The following LRRK1 variants were observed in gnomAD, a reference collection of about 807,000 sequenced individuals.
LRRK1 encodes leucine-rich repeat serine/threonine-protein kinase 1.
LRRK1 carries 113 observed loss-of-function variants against 209.1 expected under a neutral mutation model. That is an observed-to-expected ratio of 0.54 (90% CI 0.46 to 0.63). LRRK1 has a LOEUF of 0.63. Among genes scored for constraint, LRRK1 ranks in the 30% least tolerant of loss-of-function variants. LRRK1 has a pLI of 0.00. For missense variants in LRRK1, 2,284 were observed against 2,632.2 expected (o/e 0.87, Z 2.89); for synonymous variants, 1,144 against 1,099.7 (o/e 1.04, Z -0.80).
intron 33 of LRRK1, among the ~76,000 whole-genome samples, chr15:101,068,397 T>C (rs187855399): frequency 5.6e-4 from 86 of 152,298 alleles, no homozygotes; most frequent in East Asian, 3.9e-4. Context: ...TGATTGCCTC[T>C]GTGGCCTTCC....
chr15:100,988,180 T>G (rs1192609612), intron 4 of LRRK1, among the ~76,000 whole-genome samples: 1 of 152,228 alleles, frequency 6.6e-6, no homozygotes, highest in Non-Finnish European at 1.5e-5. Context: ...GGGGTACATA[T>G]GCAGGTTTGT....
At chr15:100,974,487 T>A (rs535776984) in intron 3 of LRRK1, among the ~76,000 whole-genome samples, 67 of 152,340 alleles carry the variant, frequency 4.4e-4, no homozygotes, top group Middle Eastern at 3.4e-3. Context: ...TATATGGTGA[T>A]GCAGCTGCTG....
chr15:100,947,242 C>T (rs1237770700), intron 2 of LRRK1, among the ~76,000 whole-genome samples: 2 of 152,102 alleles, frequency 1.3e-5, no homozygotes, highest in Non-Finnish European at 2.9e-5. Flanking sequence ...CAGGTGTGAG[C>T]CACCATGCCC....
rs567667559 is a variant in LRRK1, at chr15:100,997,987, T to C, written c.762+8589T>C. On this transcript the variant is annotated intron_variant, in intron 6 of 33. Coordinates refer to ENST00000388948, the MANE Select transcript of LRRK1 (RefSeq NM_024652.6). ...TGAGGTTAGGAGTTCGAGACCAGCC[T>C]GGCCAACATGGTGAAACCCCCCCGT... is the stretch of plus-strand genomic sequence containing the variant. Among the ~76,000 whole-genome samples, 126 of 152,214 alleles carry C rather than the reference T, an allele frequency of 8.3e-4. 1 individual carries two copies. Among genetic ancestry groups the C allele is most frequent in the Non-Finnish European group, 1.7e-3 (114 of 68,004 alleles).
At position 101,065,442 on chromosome 15, in the gene LRRK1, C is replaced by G; in HGVS notation, c.5005C>G (p.Leu1669Val). 6.2e-7 allele frequency: 1 copy of G among 1,614,232 alleles called. No individual in the cohort carries two copies. The highest frequency in any genetic ancestry group is 1.1e-5 in the South Asian group (1 of 91,092). ...RGTPKDSCSY[L>V]CSHTANRSKF... is the part of the protein sequence containing the mutation. Reference sequence around the variant, plus strand: ...CACCCCAAAGGACAGCTGCTCCTACCTGTGCTCACACACAGCCAACAGGTC... The same window carrying G: ...CACCCCAAAGGACAGCTGCTCCTACGTGTGCTCACACACAGCCAACAGGTC... Residue 1669 changes from leucine to valine, a missense_variant, in exon 32 of 34, where the codon CTG becomes GTG. This residue lies in a region of LRRK1 where 643 missense variants were observed against 695.9 expected (regional missense o/e 0.92). Transcript: ENST00000388948.
Position 101,008,216 on chromosome 15 carries a change from T to C in LRRK1, c.763-621T>C, listed in dbSNP as rs2033062221. ...GCAAGAGACTGGCTTCCCGGGCTGT[T>C]TGCTATAGATAAAGAGGTTGGTTTC... On this transcript the variant is annotated intron_variant, in intron 6 of 33. Transcript: ENST00000388948. 5.3e-5 allele frequency among the ~76,000 whole-genome samples: 8 copies of C among 150,872 alleles called. No individual in the cohort carries two copies. The South Asian group carries it at 1.7e-3, about 32-fold the overall frequency.
chr15:100,979,796 A>T (rs116052815), intron 3 of LRRK1, among the ~76,000 whole-genome samples: 1,614 of 152,362 alleles, frequency 0.011, 36 homozygotes, highest in African/African-American at 0.037. Context: ...ACTGAGGAAG[A>T]TACACAGATG....
chr15:101,045,696 T>C (rs1360626354), intron 20 of LRRK1, among the ~76,000 whole-genome samples: 2 of 152,216 alleles, frequency 1.3e-5, no homozygotes, highest in African/African-American at 4.8e-5. Context: ...TTTAGGACCA[T>C]GATGTTTTCA....
intron 20 of LRRK1, among the ~76,000 whole-genome samples, chr15:101,037,325 G>A (rs957167831): frequency 6.6e-6 from 1 of 152,184 alleles, no homozygotes; most frequent in Non-Finnish European, 1.5e-5. Context: ...CAGCAGAGTC[G>A]GTAGGCCCAA....
At position 101,070,933 on chromosome 15, in the gene LRRK1, C is replaced by A. The variant is rs1313575992; in HGVS notation, c.*2085C>A. The A allele has an allele frequency of 6.6e-6, 1 of 152,174 alleles. No homozygotes were observed. The allele number at this position is 152,174 out of a possible 1,614,324, so 9.4% of individuals were successfully genotyped here. A position where few individuals can be genotyped will look rare whatever the true frequency, so the allele number is the denominator to read the frequency against. On this transcript the variant is annotated 3_prime_UTR_variant, in exon 34 of 34. Transcript: ENST00000388948. ...CAACACAAATGAGAGACAAAGACCTCACTTATCTTCATTACAGAGAGTTCG... is the reference window on the plus strand; with the variant it reads ...CAACACAAATGAGAGACAAAGACCTAACTTATCTTCATTACAGAGAGTTCG...
chr15:101,033,108 A>T (rs565315161), intron 20 of LRRK1, among the ~76,000 whole-genome samples: 1 of 152,112 alleles, frequency 6.6e-6, no homozygotes, highest in South Asian at 2.1e-4. Context: ...TATCTTTTCC[A>T]GTCTCTAGAG....
intron 4 of LRRK1, 146 bp from the exon 5 acceptor site, chr15:100,988,488 T>C (rs753883392): frequency 1.3e-6 from 1 of 754,036 alleles, no homozygotes; most frequent in Non-Finnish European, 2.3e-6. Context: ...TCATTCTTTT[T>C]TATGGCTGTA....
intron 2 of LRRK1, among the ~76,000 whole-genome samples, chr15:100,950,444 G>T (rs2042622823): frequency 6.6e-6 from 1 of 152,172 alleles, no homozygotes; most frequent in Admixed American, 6.5e-5. Flanking sequence ...ATTCAATGCA[G>T]TCTCTTTAAA....
In LRRK1 at chr15:100,948,819, C is replaced by T. The variant is rs369649286; in HGVS notation, c.97+24090C>T. Among the ~76,000 whole-genome samples, 11 of 152,002 alleles carry T rather than the reference C, an allele frequency of 7.2e-5. No individual in the cohort carries two copies. The South Asian group carries it at 8.3e-4, about 11-fold the overall frequency. On this transcript the variant is annotated intron_variant, in intron 2 of 33. Transcript: ENST00000388948. ...TCACAAAAAAACAGAATATACTTTG[C>T]GATGAATTAAAACAAAAACACATCA... is the stretch of plus-strand genomic sequence containing the variant.
intron 21 of LRRK1, 45 bp from the exon 22 acceptor site, chr15:101,048,449 G>A (rs1465321451): frequency 6.4e-6 from 10 of 1,563,742 alleles, no homozygotes; most frequent in Admixed American, 6.0e-5. Context: ...CAGGGCCAGC[G>A]AGGAGCCCAG....
Position 101,029,134 on chromosome 15 carries a change from G to A in LRRK1, c.2865G>A (p.Arg955=). The change falls in exon 20 of 34, where the codon AGG becomes AGA. Residue 955 remains arginine (R), a synonymous_variant. Transcript: ENST00000388948. ...GGGTGATCAGAGCAGAAGACCTCAG[G>A]ATGCTGCTGGTGGGGACTGGCTTCA... ...KNGVIRAEDL[R]MLLVGTGFTQ... is the part of the protein sequence containing the mutation. The A allele has an allele frequency of 6.2e-7, 1 of 1,614,160 alleles. No homozygotes were observed. The highest frequency in any genetic ancestry group is 8.5e-7 in the Non-Finnish European group (1 of 1,179,996).
At chr15:100,975,726 C>A (rs1214582988) in intron 3 of LRRK1, among the ~76,000 whole-genome samples, 1 of 152,096 alleles carries the variant, frequency 6.6e-6, no homozygotes, top group Non-Finnish European at 1.5e-5. Flanking sequence ...CCTTCATTGA[C>A]AAAGAGCTTT....
intron 6 of LRRK1, among the ~76,000 whole-genome samples, chr15:100,990,061 G>A (rs1277141479): frequency 6.6e-6 from 1 of 152,050 alleles, no homozygotes; most frequent in African/African-American, 2.4e-5. Context: ...CAACCTGGTA[G>A]GGATCTTTTC....
chr15:100,975,914 G>T lies in LRRK1; in HGVS notation c.261+1947G>T, dbSNP rs113734952. ...CCACTAAATCAAAAATTGGTTCTTT[G>T]AAGAGATTAATAAAATAGAAAATCT... On this transcript the variant is annotated intron_variant, in intron 3 of 33. Coordinates refer to ENST00000388948, the MANE Select transcript of LRRK1 (RefSeq NM_024652.6). Among the ~76,000 whole-genome samples the T allele has an allele frequency of 5.0e-3, 760 of 152,140 alleles. 12 individuals are homozygous for T. Among genetic ancestry groups the T allele is most frequent in the Middle Eastern group, 0.017 (5 of 294 alleles).
Sources: gnomAD v4.1 joint callset for allele counts (sites outside exome capture counted in the v4.1 genomes callset) on GRCh38, gnomAD v4.1.1 for gene constraint, gnomAD v4.1.1 regional missense constraint, MANE v1.5 for transcripts, NCBI Gene and HGNC (gene_info 2026-07-23, HGNC 2026-07-21) for gene names.